Variants in GRIK3 observed in about 807,000 individuals in gnomAD.
The protein encoded by GRIK3 is glutamate ionotropic receptor kainate type subunit 3, also known as glutamate receptor ionotropic, kainate 3.
GRIK3 carries 29 observed loss-of-function variants against 102.5 expected under a neutral mutation model. The ratio of observed to expected loss-of-function variants is 0.28; its 90% CI spans 0.21 to 0.39. The LOEUF is 0.39. GRIK3 is among the 10% of genes least tolerant of loss of function. The pLI, the probability that GRIK3 is intolerant of heterozygous loss-of-function variation, is 1.00. For missense variants in GRIK3, 908 were observed against 1,252.4 expected, an observed-to-expected ratio of 0.73 and a Z score of 4.15; for synonymous variants, 511 against 504.9, an observed-to-expected ratio of 1.01 and a Z score of -0.16.
intron 5 of GRIK3, among the ~76,000 whole-genome samples, chr1:36,865,540 C>T (rs1443060483): frequency 2.6e-5 from 4 of 152,122 alleles, no homozygotes; most frequent in Non-Finnish European, 4.4e-5. Flanking sequence ...AGGGAGAGGA[C>T]CAGGAGCACA....
chr1:36,838,822 T>C (rs1640414408), intron 10 of GRIK3, among the ~76,000 whole-genome samples: 1 of 152,208 alleles, frequency 6.6e-6, no homozygotes. Context: ...ACGACACTAA[T>C]ATATGGTTAT....
chr1:36,895,767 C>A (rs943474848), intron 1 of GRIK3, among the ~76,000 whole-genome samples: 1 of 151,972 alleles, frequency 6.6e-6, no homozygotes, highest in African/African-American at 2.4e-5. Context: ...GATCTAGGAT[C>A]CTTAGAGCAC....
At chr1:36,981,525 A>G (rs1028021781) in intron 1 of GRIK3, among the ~76,000 whole-genome samples, 2 of 152,200 alleles carry the variant, frequency 1.3e-5, no homozygotes, top group Non-Finnish European at 2.9e-5. Flanking sequence ...CCTTGTTCCC[A>G]TTTCACAGTT....
rs755935013 is a variant in GRIK3, at chr1:36,801,940, C to T, written c.2671G>A (p.Val891Ile). 9.3e-6 allele frequency: 15 copies of T among 1,613,866 alleles called. No homozygotes were observed. Among genetic ancestry groups the T allele is most frequent in the Admixed American group, 5.0e-5 (3 of 59,998 alleles). ...QPPMMVKTDAVINMHTFNDRR... is the reference protein window; with the variant it reads ...QPPMMVKTDAIINMHTFNDRR... Reference sequence around the variant, plus strand: ...TCATTGAATGTGTGCATGTTGATGACGGCGTCAGTCTTGACCATCATGGGA... The same window carrying T: ...TCATTGAATGTGTGCATGTTGATGATGGCGTCAGTCTTGACCATCATGGGA... The change falls in exon 16 of 16, where the codon GTC becomes ATC. Residue 891 changes from valine (V) to isoleucine (I), a missense_variant. Coordinates refer to ENST00000373091, the MANE Select transcript of GRIK3 (RefSeq NM_000831.4).
At chr1:36,826,788 G>A (rs537375696) in intron 10 of GRIK3, among the ~76,000 whole-genome samples, 13 of 152,222 alleles carry the variant, frequency 8.5e-5, no homozygotes, top group South Asian at 4.1e-4. Context: ...TAGGAATGCT[G>A]TGTTAATAAA....
intron 2 of GRIK3, among the ~76,000 whole-genome samples, chr1:36,887,766 A>AT (rs1381522589): frequency 2.0e-5 from 2 of 98,876 alleles, no homozygotes; most frequent in African/African-American, 5.3e-5. Flanking sequence ...CAAAAAAAAA[A>AT]AAAAAATATA....
chr1:36,859,886 T>G lies in GRIK3; in HGVS notation c.918A>C (p.Ala306=), dbSNP rs759209011. 6.2e-7 allele frequency: 1 copy of G among 1,613,900 alleles called. No individual in the cohort carries two copies. The highest frequency in any genetic ancestry group is 1.7e-5 in the Admixed American group (1 of 60,022). Residue 306 remains alanine, a synonymous_variant, in exon 6 of 16, where the codon GCA becomes GCC. Transcript: ENST00000373091. ...VEKWSMERLQ[A]APRSESGLLD... ...GCAGGCCAGACTCGGACCGGGGAGC[T>G]GCCTGCAGCCGCTCCATGGACCACT...
rs181827791 is a variant in GRIK3 at position 37,001,459 on chromosome 1, G to A, written c.115+32535C>T. 4.6e-5 allele frequency among the ~76,000 whole-genome samples: 7 copies of A among 152,250 alleles called. No homozygotes were observed. In the East Asian group the frequency reaches 1.4e-3, roughly 29 times the overall value. ...CAGGAAACTACACTGTACCAGTCCT[G>A]GCCTTCCCCAGGTGCACGATGGAAT... is the stretch of plus-strand genomic sequence containing the variant. On this transcript the variant is annotated intron_variant, in intron 1 of 15. Transcript: ENST00000373091.
intron 1 of GRIK3, among the ~76,000 whole-genome samples, chr1:36,992,792 T>C (rs1431552920): frequency 6.6e-6 from 1 of 152,158 alleles, no homozygotes; most frequent in African/African-American, 2.4e-5. Context: ...CTCACGACTC[T>C]GTGAGGTGAG....
chr1:37,019,083 G>A (rs148423810), intron 1 of GRIK3, among the ~76,000 whole-genome samples: 521 of 152,342 alleles, frequency 3.4e-3, no homozygotes, highest in African/African-American at 0.011. Context: ...TCAGAAAGAA[G>A]AATTTCCTCA....
Position 36,806,368 on chromosome 1 carries a change from G to T in GRIK3, c.2092-42C>A. 7.6e-7 allele frequency: 1 copy of T among 1,319,546 alleles called. No individual in the cohort carries two copies. 81.7% of individuals were successfully genotyped at this position (1,319,546 alleles called of 1,614,324 possible). Reference sequence around the variant, plus strand: ...GGGGTGATGCACACACCGTTACTAGGCGCACCAGGGACCAAGCACCGCATA... The same window carrying T: ...GGGGTGATGCACACACCGTTACTAGTCGCACCAGGGACCAAGCACCGCATA... On this transcript the variant is annotated intron_variant, in intron 13 of 15. Transcript: ENST00000373091. This position sits in a 1 kb window ranked among gnomAD's most constrained non-coding sequence, Gnocchi z 4.0.
chr1:36,868,776 G>A (rs1640813502), intron 5 of GRIK3, among the ~76,000 whole-genome samples: 1 of 152,162 alleles, frequency 6.6e-6, no homozygotes. Flanking sequence ...ATCTTTCGAG[G>A]CCTAGTTCAA....
intron 5 of GRIK3, among the ~76,000 whole-genome samples, chr1:36,868,733 C>T (rs1268607507): frequency 1.3e-5 from 2 of 152,228 alleles, no homozygotes; most frequent in Admixed American, 1.3e-4. Context: ...CATACAATGT[C>T]CTTCCTCTTT....
At position 36,850,854 on chromosome 1, in the gene GRIK3, G is replaced by A. The variant is rs1020423184; in HGVS notation, c.1213-430C>T. Among the ~76,000 whole-genome samples the A allele has an allele frequency of 2.0e-4, 31 of 152,222 alleles. No homozygotes were observed. Among genetic ancestry groups the A allele is most frequent in the African/African-American group, 7.5e-4 (31 of 41,450 alleles). On this transcript the variant is annotated intron_variant, in intron 8 of 15. Coordinates refer to ENST00000373091, the MANE Select transcript of GRIK3 (RefSeq NM_000831.4). The surrounding 1 kb of genome is among the most constrained non-coding windows in gnomAD (Gnocchi z 4.0). ...CTGTTTTGGGGTGGCAGCACAAGGA[G>A]GGGATGGACCTCACTGGGAAATGCT...
At chr1:37,027,190 AC>A (rs1642773551) in intron 1 of GRIK3, among the ~76,000 whole-genome samples, 1 of 152,008 alleles carries the variant, frequency 6.6e-6, no homozygotes, top group African/African-American at 2.4e-5. Context: ...GGCAGTGTGG[AC>A]CCTGGAGGCG....
intron 13 of GRIK3, among the ~76,000 whole-genome samples, chr1:36,807,725 G>A (rs1642516229): frequency 6.6e-6 from 1 of 152,192 alleles, no homozygotes; most frequent in Non-Finnish European, 1.5e-5. Context: ...GGGACAGGAA[G>A]GGGCCCCAAA....
At chr1:36,802,147 A>C in intron 15 of GRIK3, 102 bp from the exon 16 acceptor site, 1 of 791,108 alleles carries the variant, frequency 1.3e-6, no homozygotes, top group African/African-American at 1.7e-5. Flanking sequence ...GTCTGTGCTA[A>C]GGTTACCCGT....
intron 1 of GRIK3, among the ~76,000 whole-genome samples, chr1:36,980,102 T>A (rs1642234127): frequency 6.6e-6 from 1 of 152,160 alleles, no homozygotes; most frequent in Non-Finnish European, 1.5e-5. Context: ...GAATCTGACT[T>A]TATTGTAGTG....
In GRIK3 at chr1:37,031,855, G is replaced by A. The variant is rs1001781117; in HGVS notation, c.115+2139C>T. The stretch of plus-strand genomic sequence containing the variant: ...TGGCTCCAGCTGGGGTTCAAGCAGG[G>A]GCTCAGAAGGACAGAAACTCAGCTC... On this transcript the variant is annotated intron_variant, in intron 1 of 15. Transcript: ENST00000373091. 2.4e-4 allele frequency among the ~76,000 whole-genome samples: 37 copies of A among 152,316 alleles called. 1 individual carries two copies. The highest frequency in any genetic ancestry group is 2.2e-3 in the Admixed American group (33 of 15,302).
Sources: gnomAD v4.1 joint callset for allele counts (sites outside exome capture counted in the v4.1 genomes callset) on GRCh38, gnomAD v4.1.1 for gene constraint, Gnocchi (gnomAD v3.1) non-coding constraint, MANE v1.5 for transcripts, NCBI Gene and HGNC (gene_info 2026-07-23, HGNC 2026-07-21) for gene names.